CPQ: variants seen among roughly 807,000 people sequenced by gnomAD.
CPQ encodes the protein Ser-Met dipeptidase.
CPQ carries 37 observed loss-of-function variants against 45.7 expected under a neutral mutation model. That is an observed-to-expected ratio of 0.81 (90% CI 0.62 to 1.07). The LOEUF is 1.07. Among genes scored for constraint, CPQ ranks in the 50% least tolerant of loss-of-function variants. The probability of loss-of-function intolerance (pLI) is 0.00; values close to 1 mark genes in which losing one functional copy is unlikely to be tolerated. For missense variants in CPQ, 537 were observed against 572.9 expected, an observed-to-expected ratio of 0.94 and a Z score of 0.64; for synonymous variants, 186 against 205.8, an observed-to-expected ratio of 0.90 and a Z score of 0.82.
intron 5 of CPQ, among the ~76,000 whole-genome samples, chr8:97,005,488 G>A (rs920488067): frequency 6.6e-6 from 1 of 151,934 alleles, no homozygotes; most frequent in African/African-American, 2.4e-5. Flanking sequence ...AATTGCTTGA[G>A]CCCAGGAGTT....
chr8:96,721,054 A>G (rs1300869395), intron 1 of CPQ, among the ~76,000 whole-genome samples: 1 of 151,870 alleles, frequency 6.6e-6, no homozygotes, highest in Non-Finnish European at 1.5e-5. Flanking sequence ...ATCCTATAGC[A>G]GCCACTCTAT....
chr8:96,714,631 A>G (rs900228324), intron 1 of CPQ, among the ~76,000 whole-genome samples: 7 of 151,796 alleles, frequency 4.6e-5, no homozygotes, highest in African/African-American at 1.7e-4. Flanking sequence ...GATTTTTTTT[A>G]TCTGGTATTT....
chr8:96,786,974 TGTC>T (rs1810776958), intron 2 of CPQ, among the ~76,000 whole-genome samples: 1 of 152,132 alleles, frequency 6.6e-6, no homozygotes, highest in Non-Finnish European at 1.5e-5. Flanking sequence ...TTCTGAGGAC[TGTC>T]TTTTCTTTTT....
chr8:96,742,244 T>C (rs1810103152), intron 1 of CPQ, among the ~76,000 whole-genome samples: 1 of 152,246 alleles, frequency 6.6e-6, no homozygotes, highest in Non-Finnish European at 1.5e-5. Flanking sequence ...CTTCTTTGTC[T>C]CTTTTGATCT....
intron 5 of CPQ, among the ~76,000 whole-genome samples, chr8:96,991,511 G>A (rs943884348): frequency 2.0e-5 from 3 of 151,102 alleles, no homozygotes; most frequent in African/African-American, 7.3e-5. Flanking sequence ...AGCCAAAATT[G>A]CACCACTGCA....
intron 4 of CPQ, among the ~76,000 whole-genome samples, chr8:96,902,664 C>A (rs1255595685): frequency 6.6e-6 from 1 of 152,176 alleles, no homozygotes; most frequent in African/African-American, 2.4e-5. Context: ...CTATGTATCT[C>A]GGTCAGCAAG....
chr8:96,877,061 T>G (rs879653896), intron 3 of CPQ, among the ~76,000 whole-genome samples: 5 of 152,182 alleles, frequency 3.3e-5, no homozygotes, highest in Non-Finnish European at 7.3e-5. Flanking sequence ...AGTTTACCCT[T>G]TGCTTTTATA....
chr8:96,741,097 C>G (rs1408226379), intron 1 of CPQ, among the ~76,000 whole-genome samples: 1 of 152,214 alleles, frequency 6.6e-6, no homozygotes, highest in Non-Finnish European at 1.5e-5. Flanking sequence ...GTGAATCCAT[C>G]TGGTCCTGGA....
intron 1 of CPQ, among the ~76,000 whole-genome samples, chr8:96,733,552 C>T (rs574984685): frequency 2.0e-5 from 3 of 152,124 alleles, no homozygotes; most frequent in South Asian, 4.1e-4. Flanking sequence ...TTTCTTTTAA[C>T]AGCCCTGCAA....
At chr8:96,762,846 C>T (rs1036108472) in intron 1 of CPQ, among the ~76,000 whole-genome samples, 2 of 152,044 alleles carry the variant, frequency 1.3e-5, no homozygotes, top group African/African-American at 2.4e-5. Flanking sequence ...TAAATTTAGG[C>T]GTATGATCAA....
intron 1 of CPQ, among the ~76,000 whole-genome samples, chr8:96,730,866 CATATATATATATAT>C (rs35247469): frequency 2.9e-5 from 2 of 68,696 alleles, no homozygotes; most frequent in South Asian, 6.9e-4. Flanking sequence ...ACCATACATA[CATATATATATATAT>C]ATATATATAT....
chr8:96,830,501 T>C (rs544530192), intron 2 of CPQ, among the ~76,000 whole-genome samples: 1 of 152,216 alleles, frequency 6.6e-6, no homozygotes, highest in South Asian at 2.1e-4. Context: ...TGATCGGTTT[T>C]GAAAATTAGG....
In CPQ at chr8:96,821,085, A is replaced by G. The variant is rs145367465; in HGVS notation, c.434-13888A>G. ...TTCTTGGCCATTTGTATGTCTTTTGAGAAATGTCTGTTCAAACCTTTTGCC... is the reference window on the plus strand; with the variant it reads ...TTCTTGGCCATTTGTATGTCTTTTGGGAAATGTCTGTTCAAACCTTTTGCC... On this transcript the variant is annotated intron_variant, in intron 2 of 7. Coordinates refer to ENST00000220763, the MANE Select transcript of CPQ (RefSeq NM_016134.4). Among the ~76,000 whole-genome samples, 734 of 144,234 alleles carry G rather than the reference A, an allele frequency of 5.1e-3. 6 individuals carry two copies. The highest frequency in any genetic ancestry group is 0.045 in the Middle Eastern group (12 of 268). The allele number at this position is 144,234 out of a possible 152,430, so 94.6% of individuals were successfully genotyped here.
intron 7 of CPQ, among the ~76,000 whole-genome samples, chr8:97,067,569 A>G (rs1810661445): frequency 6.6e-6 from 1 of 152,192 alleles, no homozygotes. Context: ...GTAACATACT[A>G]CATAGATTTA....
intron 4 of CPQ, among the ~76,000 whole-genome samples, chr8:96,962,359 G>A (rs533742345): frequency 6.6e-6 from 1 of 152,284 alleles, no homozygotes; most frequent in South Asian, 2.1e-4. Flanking sequence ...GAAAGGAATT[G>A]GTCAGTGCCT....
rs146087978 is a variant in CPQ at position 96,724,490 on chromosome 8, G to GACACAC, written c.-34-60343_-34-60338dup. On this transcript the variant is annotated intron_variant, in intron 1 of 7. Transcript: ENST00000220763. ...CAAGAATGCAGTCCCATTTAGAGTA[G>GACACAC]ACACACACACACACACACACACACA... Among the ~76,000 whole-genome samples the GACACAC allele has an allele frequency of 7.1e-3, 1,024 of 144,784 alleles. 13 individuals are homozygous for GACACAC. The highest frequency in any genetic ancestry group is 0.024 in the African/African-American group (961 of 39,404). The allele number at this position is 144,784 out of a possible 152,430, so 95.0% of individuals were successfully genotyped here.
intron 1 of CPQ, among the ~76,000 whole-genome samples, chr8:96,751,244 C>T (rs1374679404): frequency 6.6e-6 from 1 of 152,156 alleles, no homozygotes; most frequent in African/African-American, 2.4e-5. Context: ...CTAATTTACA[C>T]TCCCACCAAC....
chr8:97,028,695 C>T (rs1809842816), intron 5 of CPQ, among the ~76,000 whole-genome samples: 1 of 152,188 alleles, frequency 6.6e-6, no homozygotes, highest in African/African-American at 2.4e-5. Flanking sequence ...TCTGGAGCCA[C>T]TTCATCTGCC....
At chr8:96,763,380 C>G (rs577652832) in intron 1 of CPQ, among the ~76,000 whole-genome samples, 16 of 152,144 alleles carry the variant, frequency 1.1e-4, no homozygotes, top group Non-Finnish European at 2.1e-4. Flanking sequence ...GTACCTTTCT[C>G]AAGAAACAGC....
Sources: allele counts gnomAD v4.1 joint callset (sites outside exome capture counted in the v4.1 genomes callset), GRCh38; gene constraint gnomAD v4.1.1; transcripts MANE v1.5; gene names NCBI Gene and HGNC (gene_info 2026-07-23, HGNC 2026-07-21).